Variants in DPYD observed in about 807,000 individuals in gnomAD.
DPYD encodes the protein dihydropyrimidine dehydrogenase.
A neutral mutation model predicts 116.2 loss-of-function variants in DPYD; 109 were observed. The ratio of observed to expected loss-of-function variants is 0.94; its 90% CI spans 0.80 to 1.10. DPYD has a LOEUF of 1.10. DPYD is among the 50% of genes least tolerant of loss of function. The pLI is 0.00. For synonymous variants in DPYD, 440 were observed against 432.0 expected, an observed-to-expected ratio of 1.02 and a Z score of -0.23; for missense variants, 1,302 against 1,254.5, an observed-to-expected ratio of 1.04 and a Z score of -0.57.
chr1:97,207,940 C>A (rs988089446), intron 19 of DPYD, among the ~76,000 whole-genome samples: 7 of 152,066 alleles, frequency 4.6e-5, no homozygotes, highest in Non-Finnish European at 1.0e-4. Context: ...TGAAATAGTT[C>A]AAAGTAAATG....
intron 8 of DPYD, among the ~76,000 whole-genome samples, chr1:97,622,534 C>G (rs187170288): frequency 2.0e-5 from 3 of 151,780 alleles, no homozygotes; most frequent in African/African-American, 7.3e-5. Context: ...TAGGTAAAAC[C>G]GACCCTGGGT....
At chr1:97,344,958 G>T (rs887824997) in intron 16 of DPYD, among the ~76,000 whole-genome samples, 1 of 151,876 alleles carries the variant, frequency 6.6e-6, no homozygotes, top group Non-Finnish European at 1.5e-5. Flanking sequence ...ATATGAAAGT[G>T]ACTGCTTCCC....
intron 14 of DPYD, among the ~76,000 whole-genome samples, chr1:97,426,028 A>G (rs922428166): frequency 6.6e-6 from 1 of 152,034 alleles, no homozygotes; most frequent in African/African-American, 2.4e-5. Flanking sequence ...CTATGAAAAT[A>G]ATTTCATTAT....
At chr1:97,196,407 T>C (rs1658814957) in intron 19 of DPYD, among the ~76,000 whole-genome samples, 1 of 152,172 alleles carries the variant, frequency 6.6e-6, no homozygotes, top group South Asian at 2.1e-4. Context: ...TGGACCACCA[T>C]GCTTGGCCTG....
intron 18 of DPYD, among the ~76,000 whole-genome samples, chr1:97,290,320 A>T (rs540177629): frequency 6.6e-6 from 1 of 151,992 alleles, no homozygotes; most frequent in African/African-American, 2.4e-5. Flanking sequence ...TTCTTCACAG[A>T]ATTGGAAAAA....
At chr1:97,593,512 C>T (rs748789250) in intron 9 of DPYD, 125 bp from the exon 10 acceptor site, 32 of 1,072,370 alleles carry the variant, frequency 3.0e-5, no homozygotes, top group Non-Finnish European at 4.5e-5. Flanking sequence ...TGAAGTGTCA[C>T]TATCAAATTA....
At chr1:97,641,219 C>T (rs1178795061) in intron 8 of DPYD, among the ~76,000 whole-genome samples, 1 of 152,056 alleles carries the variant, frequency 6.6e-6, no homozygotes, top group African/African-American at 2.4e-5. Context: ...GACAAATCCA[C>T]CCAGATATTG....
chr1:97,904,586 T>C (rs1462130225), intron 1 of DPYD, among the ~76,000 whole-genome samples: 1 of 152,006 alleles, frequency 6.6e-6, no homozygotes, highest in Non-Finnish European at 1.5e-5. Flanking sequence ...CAGAGGAATT[T>C]ATATTAACAA....
chr1:97,641,070 C>A (rs749746242), intron 8 of DPYD, among the ~76,000 whole-genome samples: 7 of 152,164 alleles, frequency 4.6e-5, no homozygotes, highest in Non-Finnish European at 8.8e-5. Flanking sequence ...ACCTGTCTGG[C>A]ACATGGATGG....
chr1:97,392,665 C>G (rs1029273244), intron 14 of DPYD, among the ~76,000 whole-genome samples: 1 of 152,008 alleles, frequency 6.6e-6, no homozygotes, highest in Non-Finnish European at 1.5e-5. Context: ...ATTTCAACAA[C>G]GTTCACAGCA....
chr1:97,595,151 T>C lies in DPYD; in HGVS notation c.866A>G (p.Asn289Ser). Residue 289 changes from asparagine (N) to serine (S), a missense_variant, in exon 9 of 23, where the codon AAT (asparagine) becomes AGT (serine). Coordinates refer to ENST00000370192, the MANE Select transcript of DPYD (RefSeq NM_000110.4). ...AFIGIGLPEP[N>S]KDAIFQGLTQ... ...CAGGCCTTGGAAGATGGCATCTTTA[T>C]TGGGTTCTGGCAAACCTAAGTAATC... is the stretch of plus-strand genomic sequence containing the variant. 1 of 1,613,592 alleles carries C rather than the reference T, an allele frequency of 6.2e-7. No homozygotes were observed. The highest frequency in any genetic ancestry group is 8.5e-7 in the Non-Finnish European group (1 of 1,179,578).
intron 8 of DPYD, among the ~76,000 whole-genome samples, chr1:97,621,278 G>C (rs1202785966): frequency 2.6e-5 from 4 of 152,102 alleles, no homozygotes; most frequent in Admixed American, 1.3e-4. Flanking sequence ...AATAAGAATT[G>C]AATAATTAAG....
chr1:97,807,389 C>A (rs571346766), intron 3 of DPYD, among the ~76,000 whole-genome samples: 2 of 152,062 alleles, frequency 1.3e-5, no homozygotes, highest in African/African-American at 4.8e-5. Context: ...TTTTAATTTG[C>A]AATTCCCTAA....
intron 16 of DPYD, among the ~76,000 whole-genome samples, chr1:97,350,853 T>A (rs1487086527): frequency 1.3e-5 from 2 of 152,162 alleles, no homozygotes; most frequent in African/African-American, 4.8e-5. Flanking sequence ...AAAATGAGTG[T>A]GTCATGTCAA....
chr1:97,676,707 G>T (rs896243555), intron 8 of DPYD, among the ~76,000 whole-genome samples: 1 of 152,038 alleles, frequency 6.6e-6, no homozygotes, highest in Non-Finnish European at 1.5e-5. Flanking sequence ...CCAAGTAACC[G>T]CCAGTTATAT....
chr1:97,233,868 A>T (rs532032934), intron 19 of DPYD, among the ~76,000 whole-genome samples: 1 of 152,288 alleles, frequency 6.6e-6, no homozygotes, highest in Admixed American at 6.5e-5. Context: ...GAGAAAAGTA[A>T]ATCTATTCCA....
chr1:97,880,730 T>G (rs1298725489), intron 2 of DPYD, among the ~76,000 whole-genome samples: 2 of 152,012 alleles, frequency 1.3e-5, no homozygotes, highest in African/African-American at 4.8e-5. Flanking sequence ...ATATTTCATT[T>G]TTTTGTTCTT....
intron 15 of DPYD, among the ~76,000 whole-genome samples, chr1:97,379,144 G>A (rs1671796795): frequency 6.6e-6 from 1 of 152,136 alleles, no homozygotes; most frequent in Non-Finnish European, 1.5e-5. Flanking sequence ...GACTGAGGAA[G>A]AGAGAACATT....
intron 11 of DPYD, among the ~76,000 whole-genome samples, chr1:97,570,741 ATC>A (rs1399928002): frequency 6.6e-6 from 1 of 151,454 alleles, no homozygotes; most frequent in Admixed American, 6.6e-5. Flanking sequence ...CTTTGTGCAA[ATC>A]TCTCTTAATG....
Sources: gnomAD v4.1 joint callset for allele counts (sites outside exome capture counted in the v4.1 genomes callset) on GRCh38, gnomAD v4.1.1 for gene constraint, MANE v1.5 for transcripts, NCBI Gene and HGNC (gene_info 2026-07-23, HGNC 2026-07-21) for gene names.